PLLP: variants seen among roughly 807,000 people sequenced by gnomAD.
The protein encoded by PLLP is plasma membrane proteolipid (plasmolipin).
PLLP carries 15 observed loss-of-function variants against 19.7 expected under a neutral mutation model. The ratio of observed to expected loss-of-function variants is 0.76; its 90% CI spans 0.51 to 1.17. The LOEUF (loss-of-function observed/expected upper bound fraction) is 1.17, where lower values mean the gene tolerates loss of function less well. PLLP is among the 50% of genes most tolerant of loss of function. The pLI is 0.00. For synonymous variants in PLLP, 111 were observed against 116.3 expected, an observed-to-expected ratio of 0.95 and a Z score of 0.29; for missense variants, 255 against 258.3, an observed-to-expected ratio of 0.99 and a Z score of 0.09.
chr16:57,274,949 G>T (rs1395172286), intron 1 of PLLP, among the ~76,000 whole-genome samples: 1 of 151,716 alleles, frequency 6.6e-6, no homozygotes, highest in Non-Finnish European at 1.5e-5. Context: ...TTTTAGTAGA[G>T]ACGGGGTTTC....
intron 2 of PLLP, among the ~76,000 whole-genome samples, chr16:57,258,920 C>CAAAAAA (rs59321788): frequency 2.5e-5 from 1 of 40,248 alleles, no homozygotes; most frequent in African/African-American, 1.0e-4. Context: ...GATCCTGTCT[C>CAAAAAA]AAAAAAAAAA....
chr16:57,274,692 A>T (rs1008133373), intron 1 of PLLP, among the ~76,000 whole-genome samples: 11 of 151,686 alleles, frequency 7.3e-5, no homozygotes, highest in Non-Finnish European at 1.6e-4. Flanking sequence ...ACCTCAGGCG[A>T]TCTGCCTGCC....
chr16:57,269,281 T>G (rs775977100), intron 1 of PLLP, among the ~76,000 whole-genome samples: 2 of 152,160 alleles, frequency 1.3e-5, no homozygotes, highest in African/African-American at 4.8e-5. Flanking sequence ...CATGCAAAGA[T>G]GGTCACCCCA....
chr16:57,262,047 C>T lies in PLLP; in HGVS notation c.159G>A (p.Ala53=), dbSNP rs11541875. ...LQLVLGLLVW[A]LIADTPYHLY... ...GGTGGTACGGGGTGTCCGCAATCAG[C>T]GCCCACACCAGCAGCCCCAGCACCT... Residue 53 remains alanine (A), a synonymous_variant, in exon 2 of 4, where the codon GCG becomes GCA. Transcript: ENST00000219207. 3.5e-3 allele frequency: 5,582 copies of T among 1,614,164 alleles called. 117 individuals carry two copies. The African/African-American group carries it at 0.049, about 14-fold the overall frequency.
At chr16:57,268,240 C>T (rs1246295131) in intron 1 of PLLP, among the ~76,000 whole-genome samples, 2 of 152,184 alleles carry the variant, frequency 1.3e-5, no homozygotes, top group African/African-American at 4.8e-5. Context: ...AACTTTGTTA[C>T]GGCAGCCCCA....
At chr16:57,274,704 C>T (rs1400536023) in intron 1 of PLLP, among the ~76,000 whole-genome samples, 8 of 151,724 alleles carry the variant, frequency 5.3e-5, no homozygotes, top group Non-Finnish European at 8.8e-5. Flanking sequence ...CTGCCTGCCT[C>T]GGCCTCCCAA....
At chr16:57,261,873 T>TC in intron 2 of PLLP, 24 bp downstream of exon 2, 1 of 1,610,402 alleles carries the variant, frequency 6.2e-7, no homozygotes, top group Non-Finnish European at 8.5e-7. Context: ...CATAGCCACT[T>TC]CCAGTACCCC....
chr16:57,256,660 C>T lies in PLLP; in HGVS notation c.*253G>A, dbSNP rs1244455909. 3 of 477,490 alleles carry T rather than the reference C, an allele frequency of 6.3e-6. No homozygotes were observed. Among genetic ancestry groups the T allele is most frequent in the Admixed American group, 3.4e-5 (1 of 29,366 alleles). The allele number at this position is 477,490 out of a possible 1,614,324, so 29.6% of individuals were successfully genotyped here. A position where few individuals can be genotyped will look rare whatever the true frequency, so the allele number is the denominator to read the frequency against. On this transcript the variant is annotated 3_prime_UTR_variant, in exon 4 of 4. Transcript: ENST00000219207. ...GGCAGAGACACAGCCTCAGATCCCCCGTCATCTTCCACTGAATAAGGGGGA... is the reference window on the plus strand; with the variant it reads ...GGCAGAGACACAGCCTCAGATCCCCTGTCATCTTCCACTGAATAAGGGGGA...
chr16:57,264,674 C>G (rs1424482623), intron 1 of PLLP, among the ~76,000 whole-genome samples: 11 of 152,064 alleles, frequency 7.2e-5, no homozygotes. Flanking sequence ...TACAGGGAGC[C>G]CATCTCTGCC....
rs1299878818 is a variant in PLLP, at chr16:57,256,789, G to A, written c.*124C>T. 6.0e-6 allele frequency: 4 copies of A among 664,576 alleles called. No homozygotes were observed. The highest frequency in any genetic ancestry group is 2.4e-5 in the Admixed American group (1 of 42,494). The allele number at this position is 664,576 out of a possible 1,614,324, so 41.2% of individuals were successfully genotyped here. A position where few individuals can be genotyped will look rare whatever the true frequency, so the allele number is the denominator to read the frequency against. ...GAGCTTATGTCTGACGGGCAGAGAG[G>A]AGCAAATGCAGTCCCTGTTGGGCTG... is the stretch of plus-strand genomic sequence containing the variant. On this transcript the variant is annotated 3_prime_UTR_variant, in exon 4 of 4. Coordinates refer to ENST00000219207, the MANE Select transcript of PLLP (RefSeq NM_015993.3).
At chr16:57,278,523 TGAG>T (rs1901180959) in intron 1 of PLLP, among the ~76,000 whole-genome samples, 1 of 152,266 alleles carries the variant, frequency 6.6e-6, no homozygotes, top group African/African-American at 2.4e-5. Flanking sequence ...TTTTATTTTG[TGAG>T]GAGAATGTAT....
chr16:57,274,514 A>G (rs1167734314), intron 1 of PLLP, among the ~76,000 whole-genome samples: 1 of 145,418 alleles, frequency 6.9e-6, no homozygotes, highest in Non-Finnish European at 1.5e-5. Flanking sequence ...GTGCAGTTGC[A>G]CAATCTTGGC....
chr16:57,271,118 G>A (rs1439840015), intron 1 of PLLP, among the ~76,000 whole-genome samples: 7 of 152,110 alleles, frequency 4.6e-5, no homozygotes, highest in Admixed American at 2.6e-4. Context: ...TCATTGTATC[G>A]CTTGTTATTC....
chr16:57,258,920 C>CAAAAA (rs59321788), intron 2 of PLLP, among the ~76,000 whole-genome samples: 2 of 40,248 alleles, frequency 5.0e-5, no homozygotes, highest in African/African-American at 2.0e-4. Flanking sequence ...GATCCTGTCT[C>CAAAAA]AAAAAAAAAA....
intron 1 of PLLP, among the ~76,000 whole-genome samples, chr16:57,272,126 C>T (rs1200032403): frequency 6.6e-6 from 1 of 152,202 alleles, no homozygotes; most frequent in African/African-American, 2.4e-5. Flanking sequence ...GGGCCTTCCT[C>T]CTTCTGGGCC....
At chr16:57,279,542 C>T (rs1017783690) in intron 1 of PLLP, among the ~76,000 whole-genome samples, 3 of 152,012 alleles carry the variant, frequency 2.0e-5, no homozygotes, top group Non-Finnish European at 4.4e-5. Context: ...GGCATTGTGG[C>T]ATGTACCTGT....
chr16:57,260,845 C>T (rs374607567), intron 2 of PLLP, among the ~76,000 whole-genome samples: 1 of 152,218 alleles, frequency 6.6e-6, no homozygotes, highest in Non-Finnish European at 1.5e-5. Flanking sequence ...GCCAGGTGCC[C>T]GAGCTTGTCC....
chr16:57,270,166 GAGTCCAA>G, intron 1 of PLLP, among the ~76,000 whole-genome samples: 1 of 151,510 alleles, frequency 6.6e-6, no homozygotes, highest in African/African-American at 2.4e-5. Flanking sequence ...CATGGCCCCC[GAGTCCAA>G]ACACAGTCCC....
rs146024920 is a variant in PLLP, at chr16:57,274,577, C to T, written c.135+9829G>A. On this transcript the variant is annotated intron_variant, in intron 1 of 3. Coordinates refer to ENST00000219207, the MANE Select transcript of PLLP (RefSeq NM_015993.3). ...AAGCGATTCTCATGCCTCAGCCTCC[C>T]GAGTAGTTGGGACTACATGTACGCA... Among the ~76,000 whole-genome samples the T allele has an allele frequency of 5.3e-3, 803 of 151,860 alleles. 7 individuals are homozygous for T. The highest frequency in any genetic ancestry group is 0.019 in the African/African-American group (771 of 41,382).
Sources: allele counts gnomAD v4.1 joint callset (sites outside exome capture counted in the v4.1 genomes callset), GRCh38; gene constraint gnomAD v4.1.1; transcripts MANE v1.5; gene names NCBI Gene and HGNC (gene_info 2026-07-23, HGNC 2026-07-21).